Variants in TDRD12 observed in about 807,000 individuals in gnomAD.
TDRD12 encodes the protein tudor domain containing 12.
TDRD12 carries 158 observed loss-of-function variants against 133.5 expected under a neutral mutation model. The observed-to-expected ratio is 1.18, with a 90% CI of 1.04 to 1.35. The LOEUF is 1.35. TDRD12 is among the 40% of genes most tolerant of loss of function. The pLI is 0.00. For synonymous variants in TDRD12, 460 were observed against 477.9 expected (o/e 0.96, Z 0.49); for missense variants, 1,443 against 1,321.3 (o/e 1.09, Z -1.43).
intron 2 of TDRD12, among the ~76,000 whole-genome samples, chr19:32,738,515 C>T (rs1969293942): frequency 6.6e-6 from 1 of 152,068 alleles, no homozygotes; most frequent in South Asian, 2.1e-4. Flanking sequence ...TAACACTGAC[C>T]TTAAAAAACC....
downstream of TDRD12, among the ~76,000 whole-genome samples, chr19:32,822,584 A>G (rs2145763923): frequency 6.6e-6 from 1 of 152,170 alleles, no homozygotes; most frequent in Non-Finnish European, 1.5e-5. Flanking sequence ...CGTCTCTACT[A>G]AAAATACAAA....
intron 21 of TDRD12, among the ~76,000 whole-genome samples, chr19:32,805,668 A>G (rs1015978750): frequency 6.6e-6 from 1 of 151,150 alleles, no homozygotes; most frequent in African/African-American, 2.4e-5. Flanking sequence ...TTTGGTCCTC[A>G]TCAAGGTTGT....
chr19:32,825,977 C>A, downstream of TDRD12: 2 of 676,670 alleles, frequency 3.0e-6, no homozygotes, highest in Non-Finnish European at 4.8e-6. This position sits in a 1 kb window ranked among gnomAD's most constrained non-coding sequence, Gnocchi z 4.1. Context: ...TCAATTTACA[C>A]TTTTATGTGA....
chr19:32,823,570 G>A (rs1190548449), downstream of TDRD12, among the ~76,000 whole-genome samples: 4 of 152,144 alleles, frequency 2.6e-5, no homozygotes, highest in Non-Finnish European at 4.4e-5. Flanking sequence ...TTCCGGAGCC[G>A]AGTGGTACGT....
chr19:32,801,577 A>G (rs1422492031), intron 18 of TDRD12, among the ~76,000 whole-genome samples, 179 bp from the exon 19 acceptor site: 7 of 152,228 alleles, frequency 4.6e-5, no homozygotes. Flanking sequence ...GACATAAACA[A>G]CCGAATTTTG....
intron 7 of TDRD12, among the ~76,000 whole-genome samples, chr19:32,756,732 T>C (rs564382021): frequency 3.3e-5 from 5 of 152,214 alleles, no homozygotes; most frequent in African/African-American, 1.2e-4. Context: ...GTCCAAATGT[T>C]TGCAATTTAG....
chr19:32,802,507 TG>T, intron 19 of TDRD12, 148 bp from the exon 20 acceptor site: 1 of 895,562 alleles, frequency 1.1e-6, no homozygotes, highest in Non-Finnish European at 1.6e-6. Flanking sequence ...TGTGGCATTT[TG>T]GGGAAAAAAA....
At chr19:32,777,116 A>G (rs1185307354) in intron 10 of TDRD12, 33 bp from the exon 11 acceptor site, 1 of 1,455,596 alleles carries the variant, frequency 6.9e-7, no homozygotes, top group South Asian at 1.3e-5. Context: ...TGCTGTTCAC[A>G]AATTTTAATG....
chr19:32,798,154 T>G (rs927839668), intron 15 of TDRD12, among the ~76,000 whole-genome samples, 154 bp from the exon 16 acceptor site: 2 of 152,246 alleles, frequency 1.3e-5, no homozygotes, highest in African/African-American at 2.4e-5. Flanking sequence ...CTTAAACTGT[T>G]TGTTAGATGC....
chr19:32,819,259 G>A (rs1402300977), intron 27 of TDRD12, among the ~76,000 whole-genome samples: 1 of 151,420 alleles, frequency 6.6e-6, no homozygotes, highest in Non-Finnish European at 1.5e-5. Flanking sequence ...TTAGGCTGCA[G>A]TGAGCTGTGA....
At chr19:32,791,569 A>C (rs1368819196) in intron 13 of TDRD12, among the ~76,000 whole-genome samples, 4 of 152,176 alleles carry the variant, frequency 2.6e-5, no homozygotes, top group Non-Finnish European at 5.9e-5. Context: ...AAGTGGACAG[A>C]TTCCACAGTC....
intron 11 of TDRD12, among the ~76,000 whole-genome samples, 161 bp from the exon 12 acceptor site, chr19:32,790,370 C>T (rs908971888): frequency 6.6e-5 from 10 of 152,316 alleles, no homozygotes; most frequent in African/African-American, 2.2e-4. Flanking sequence ...TACAGGCCCT[C>T]ATGTCTCATA....
intron 1 of TDRD12, 50 bp downstream of exon 1, chr19:32,720,146 C>G: frequency 6.6e-7 from 1 of 1,518,776 alleles, no homozygotes; most frequent in South Asian, 1.2e-5. Context: ...GTCCCCCACC[C>G]CCACCCCAGC....
At chr19:32,821,405 TGTGTGCGTGTGA>T (rs1209674675), downstream of TDRD12, 1 of 169,166 alleles carries the variant, frequency 5.9e-6, no homozygotes, top group Non-Finnish European at 9.4e-6. Flanking sequence ...TGTGTGTGTG[TGTGTGCGTGTGA>T]ACCACACCCA....
In TDRD12 at chr19:32,736,388, T is replaced by C. The variant is rs962699923; in HGVS notation, c.184-2468T>C. On this transcript the variant is annotated intron_variant, in intron 2 of 27. Coordinates refer to ENST00000444215, the Ensembl canonical transcript of TDRD12. ...CAATGTAGTGATGAGACCCTGTCTC[T>C]AAAACAAAAAACAACAAACAATTAG... Among the ~76,000 whole-genome samples, 3 of 152,166 alleles carry C rather than the reference T, an allele frequency of 2.0e-5. No individual in the cohort carries two copies. The East Asian group carries it at 5.8e-4, about 29-fold the overall frequency.
exon 28 of TDRD12, chr19:32,821,040 C>T: frequency 1.3e-6 from 2 of 1,535,796 alleles, no homozygotes; most frequent in Non-Finnish European, 1.7e-6. Context: ...TAGGACGCCT[C>T]CAGCAGAAGA....
At chr19:32,748,452 A>C (rs905866317) in intron 4 of TDRD12, 24 bp from the exon 5 acceptor site, 1 of 1,548,404 alleles carries the variant, frequency 6.5e-7, no homozygotes. Flanking sequence ...TATGTAATGG[A>C]GTTGCATCTG....
intron 4 of TDRD12, among the ~76,000 whole-genome samples, chr19:32,743,180 T>A (rs1969483754): frequency 6.6e-6 from 1 of 152,270 alleles, no homozygotes; most frequent in African/African-American, 2.4e-5. Context: ...TGGAGTATTA[T>A]ACATGTGTAC....
rs59072311 is a variant in TDRD12 at position 32,810,139 on chromosome 19, T to C, written c.2699T>C (p.Ile900Thr). 4.4e-4 allele frequency: 677 copies of C among 1,533,136 alleles called. 5 individuals are homozygous for C. The African/African-American group carries it at 8.1e-3, about 18-fold the overall frequency. 95.0% of individuals were successfully genotyped at this position (1,533,136 alleles called of 1,614,324 possible). A position where few individuals can be genotyped will look rare whatever the true frequency, so the allele number is the denominator to read the frequency against. Residue 900 changes from isoleucine (I) to threonine (T), a missense_variant, in exon 23 of 28, where the codon ATA becomes ACA. Transcript: ENST00000444215. ...AATGCAACAAATTACTTTGGCCGTA[T>C]AGTTGATAAACACATGGATCTTTAT...
Sources: gnomAD v4.1 joint callset for allele counts (sites outside exome capture counted in the v4.1 genomes callset) on GRCh38, gnomAD v4.1.1 for gene constraint, Gnocchi (gnomAD v3.1) non-coding constraint, MANE v1.5 for transcripts, NCBI Gene and HGNC (gene_info 2026-07-23, HGNC 2026-07-21) for gene names.